Variants in BRWD1 observed in about 807,000 individuals in gnomAD.
BRWD1 encodes the protein bromodomain and WD repeat-containing protein 1.
Under a neutral mutation model 251.2 loss-of-function variants are expected in BRWD1, and 82 were observed. That is an observed-to-expected ratio of 0.33 (90% CI 0.27 to 0.39). The LOEUF is 0.39. BRWD1 is among the 10% of genes least tolerant of loss of function. The probability of loss-of-function intolerance (pLI) is 1.00; values close to 1 mark genes in which losing one functional copy is unlikely to be tolerated. For synonymous variants in BRWD1, 918 were observed against 902.8 expected, an observed-to-expected ratio of 1.02 and a Z score of -0.30; for missense variants, 2,233 against 2,711.6, an observed-to-expected ratio of 0.82 and a Z score of 3.92.
chr21:39,195,949 C>G lies in BRWD1; in HGVS notation c.*310G>C. 9.6e-7 allele frequency: 1 copy of G among 1,042,670 alleles called. No homozygotes were observed. The highest frequency in any genetic ancestry group is 1.2e-6 in the Non-Finnish European group (1 of 868,286). The allele number at this position is 1,042,670 out of a possible 1,614,324, so 64.6% of individuals were successfully genotyped here. ...GACACTTGCTGCCATGAAAGTAATG[C>G]TCATTGGTTTTGATAACCAGGATGT... On this transcript the variant is annotated 3_prime_UTR_variant, in exon 41 of 41. Transcript: ENST00000342449.
At chr21:39,215,610 C>G (rs1388762176) in intron 31 of BRWD1, among the ~76,000 whole-genome samples, 1 of 152,030 alleles carries the variant, frequency 6.6e-6, no homozygotes, top group Non-Finnish European at 1.5e-5. Context: ...TACAGAAAAC[C>G]AACAAAACTA....
At chr21:39,232,732 T>TA (rs1332638866) in intron 23 of BRWD1, among the ~76,000 whole-genome samples, 2 of 152,190 alleles carry the variant, frequency 1.3e-5, no homozygotes, top group African/African-American at 4.8e-5. Context: ...AAATTTCTGA[T>TA]AGATTCTTCA....
At chr21:39,184,556 G>A (rs912859365), downstream of BRWD1, 1 of 152,216 alleles carries the variant, frequency 6.6e-6, no homozygotes, top group African/African-American at 2.4e-5. Flanking sequence ...AGTCACGAAG[G>A]TAAGTACTAC....
chr21:39,221,695 G>A (rs2033183242), intron 29 of BRWD1, among the ~76,000 whole-genome samples: 1 of 152,138 alleles, frequency 6.6e-6, no homozygotes, highest in African/African-American at 2.4e-5. Context: ...CACCACTTTG[G>A]GAGGCCAACG....
rs775595701 is a variant in BRWD1 at position 39,270,450 on chromosome 21, C to T, written c.1245-17G>A. The T allele has an allele frequency of 5.0e-6, 8 of 1,587,290 alleles. No individual in the cohort carries two copies. Among genetic ancestry groups the T allele is most frequent in the Middle Eastern group, 3.8e-4 (2 of 5,212 alleles). On this transcript the variant is annotated splice_polypyrimidine_tract_variant and intron_variant, in intron 13 of 40. Transcript: ENST00000342449. ...GATAAGTCCCTAACAAAAAAATACA[C>T]AACATGTAAACTTATTTAGATGGCT...
At position 39,258,496 on chromosome 21, in the gene BRWD1, G is replaced by T. The variant is rs747178233; in HGVS notation, c.2062C>A (p.Pro688Thr). The T allele has an allele frequency of 4.4e-6, 7 of 1,592,990 alleles. No homozygotes were observed. Among genetic ancestry groups the T allele is most frequent in the Non-Finnish European group, 6.0e-6 (7 of 1,169,814 alleles). The change falls in exon 18 of 41, where the codon CCC becomes ACC. Residue 688 changes from proline to threonine, a missense_variant. Transcript: ENST00000342449. The part of the protein sequence containing the change: ...PRGLSNGEET[P>T]RRGFRRLSLD... Reference sequence around the variant, plus strand: ...TATCACTATTTATTACCTCTCCGGGGTGTTTCTTCACCATTTGAAAGTCCT... The same window carrying T: ...TATCACTATTTATTACCTCTCCGGGTTGTTTCTTCACCATTTGAAAGTCCT...
At chr21:39,260,378 C>T (rs899988276) in intron 17 of BRWD1, among the ~76,000 whole-genome samples, 16 of 152,078 alleles carry the variant, frequency 1.1e-4, no homozygotes, top group African/African-American at 3.9e-4. Context: ...TCAAGCAATC[C>T]GCCTGCCTGC....
At position 39,274,446 on chromosome 21, in the gene BRWD1, G is replaced by A; in HGVS notation, c.1172C>T (p.Thr391Ile). The A allele has an allele frequency of 6.2e-7, 1 of 1,613,908 alleles. No individual in the cohort carries two copies. Among genetic ancestry groups the A allele is most frequent in the South Asian group, 1.1e-5 (1 of 91,074 alleles). Residue 391 changes from threonine (T) to isoleucine (I), a missense_variant, in exon 13 of 41, where the codon ACA becomes ATA. Coordinates refer to ENST00000342449, the MANE Select transcript of BRWD1 (RefSeq NM_033656.4). ...DRFLSGSRDG[T>I]ARIWRFEQLE... ...CTGCTCAAATCTCCAAATCCGTGCT[G>A]TTCCATCTCTGCTACCACTTAGGAA...
At chr21:39,258,382 T>C (rs2034629590) in intron 18 of BRWD1, 105 bp downstream of exon 18, 2 of 992,884 alleles carry the variant, frequency 2.0e-6, no homozygotes, top group Non-Finnish European at 2.8e-6. Flanking sequence ...AAAAATACAT[T>C]GTTTACTTAA....
chr21:39,240,899 T>TA (rs1323234225), intron 21 of BRWD1, among the ~76,000 whole-genome samples: 3 of 132,494 alleles, frequency 2.3e-5, no homozygotes, highest in African/African-American at 8.6e-5. Flanking sequence ...GGTAAGTAAA[T>TA]CTTTTTTTTT....
In BRWD1 at chr21:39,281,787, G is replaced by C. The variant is rs548289126; in HGVS notation, c.832-1539C>G. ...GGAGGCTGAGGCAGGAGAATCGCTT[G>C]AATCCGGGAGGCAAAGGTTGCAGCA... is the stretch of plus-strand genomic sequence containing the variant. On this transcript the variant is annotated intron_variant, in intron 8 of 40. Transcript: ENST00000342449. Among the ~76,000 whole-genome samples the C allele has an allele frequency of 1.7e-4, 26 of 152,158 alleles. 2 individuals carry two copies. The highest frequency in any genetic ancestry group is 6.3e-4 in the African/African-American group (26 of 41,534).
Position 39,188,850 on chromosome 21 carries a change from G to A in BRWD1, c.*7409C>T. 1.0e-6 allele frequency: 1 copy of A among 985,410 alleles called. No individual in the cohort carries two copies. The highest frequency in any genetic ancestry group is 1.2e-6 in the Non-Finnish European group (1 of 829,922). The allele number at this position is 985,410 out of a possible 1,614,324, so 61.0% of individuals were successfully genotyped here. A position where few individuals can be genotyped will look rare whatever the true frequency, so the allele number is the denominator to read the frequency against. On this transcript the variant is annotated 3_prime_UTR_variant, in exon 41 of 41. Coordinates refer to ENST00000342449, the MANE Select transcript of BRWD1 (RefSeq NM_033656.4). ...ACATGTTTTTCCAGTGAAATTCTAA[G>A]GGCACTATGTTTTGTTCAGTGTTCA...
chr21:39,314,070 G>C (rs1297854213), upstream of BRWD1: 3 of 455,906 alleles, frequency 6.6e-6, no homozygotes, highest in South Asian at 3.1e-5. Context: ...GCTCCGGGTC[G>C]CTCGGAAGGG....
At chr21:39,244,132 C>T (rs939049094) in intron 21 of BRWD1, among the ~76,000 whole-genome samples, 1 of 151,810 alleles carries the variant, frequency 6.6e-6, no homozygotes, top group African/African-American at 2.4e-5. Context: ...GGCGCGATCT[C>T]GGCTCACTGC....
chr21:39,213,512 G>A lies in BRWD1; in HGVS notation c.3827C>T (p.Ser1276Phe), dbSNP rs1418447071. ...CTCAGCATTTTGCTCATCATTTTCA[G>A]ATGTGTTAGAAAGTTCTGAGATATT... ...CTNISELSNT[S>F]ENDEQNAEDL... is the part of the protein sequence containing the mutation. Residue 1276 changes from serine to phenylalanine, a missense_variant, in exon 33 of 41, where the codon TCT (serine) becomes TTT (phenylalanine). Transcript: ENST00000342449. 6.2e-7 allele frequency: 1 copy of A among 1,611,938 alleles called. No individual in the cohort carries two copies. The highest frequency in any genetic ancestry group is 1.7e-5 in the Admixed American group (1 of 59,710).
chr21:39,310,543 C>T (rs988929671), intron 4 of BRWD1, among the ~76,000 whole-genome samples: 1 of 152,068 alleles, frequency 6.6e-6, no homozygotes, highest in African/African-American at 2.4e-5. Flanking sequence ...AGGAGGATCA[C>T]TTGAACCCAG....
At chr21:39,246,043 G>GA (rs1223111912) in intron 21 of BRWD1, among the ~76,000 whole-genome samples, 1 of 151,754 alleles carries the variant, frequency 6.6e-6, no homozygotes, top group African/African-American at 2.4e-5. Context: ...AGCTACTAAG[G>GA]AAAAAATAAA....
intron 10 of BRWD1, among the ~76,000 whole-genome samples, chr21:39,277,764 C>A (rs2035323807): frequency 6.6e-6 from 1 of 152,086 alleles, no homozygotes; most frequent in South Asian, 2.1e-4. Context: ...GGGGGTCTCA[C>A]CATGTTGGTC....
At chr21:39,310,620 A>G (rs140855061) in intron 4 of BRWD1, among the ~76,000 whole-genome samples, 1 of 146,682 alleles carries the variant, frequency 6.8e-6, no homozygotes, top group Non-Finnish European at 1.5e-5. Context: ...AAAAATTATT[A>G]TTATTCAAAT....
Sources: allele counts gnomAD v4.1 joint callset (sites outside exome capture counted in the v4.1 genomes callset), GRCh38; gene constraint gnomAD v4.1.1; transcripts MANE v1.5; gene names NCBI Gene and HGNC (gene_info 2026-07-23, HGNC 2026-07-21).